The following DOP1A variants were observed in gnomAD, a reference collection of about 807,000 sequenced individuals.
DOP1A encodes DOP1 leucine zipper like protein A, also known as protein DOP1A.
Under a neutral mutation model 267.6 loss-of-function variants are expected in DOP1A, and 90 were observed. The ratio of observed to expected loss-of-function variants is 0.34; its 90% CI spans 0.28 to 0.40. DOP1A has a LOEUF of 0.40. Ranked by LOEUF, DOP1A falls within the 10% of genes least tolerant of loss-of-function variation. DOP1A has a pLI of 1.00. For synonymous variants in DOP1A, 932 were observed against 999.1 expected (o/e 0.93, Z 1.27); for missense variants, 2,437 against 2,900.4 (o/e 0.84, Z 3.67).
At position 83,138,273 on chromosome 6, in the gene DOP1A, G is replaced by A; in HGVS notation, c.4231G>A (p.Ala1411Thr). ...CATTTCAACTACTAGTGTAAATAAT[G>A]CATATACTCCTCAGTTGTCTCTCCT... ...NAISTTSVNNAYTPQLSLLQN... is the reference protein window; with the variant it reads ...NAISTTSVNNTYTPQLSLLQN... The change falls in exon 21 of 39, where the codon GCA (alanine) becomes ACA (threonine). Residue 1411 changes from alanine (A) to threonine (T), a missense_variant. Ala to Thr is a moderately conservative substitution (Grantham distance 58). Around this residue, in one of 9 missense-constraint regions of DOP1A, gnomAD observed 878 missense variants for 992.9 expected, o/e 0.88. Transcript: ENST00000349129. 1 of 1,612,974 alleles carries A rather than the reference G, an allele frequency of 6.2e-7. No individual in the cohort carries two copies. The highest frequency in any genetic ancestry group is 8.5e-7 in the Non-Finnish European group (1 of 1,179,928).
At chr6:83,095,017 C>T (rs762392994) in intron 1 of DOP1A, among the ~76,000 whole-genome samples, 6 of 152,114 alleles carry the variant, frequency 3.9e-5, no homozygotes, top group East Asian at 1.9e-4. Context: ...ACTGCAGCCT[C>T]GGACTGCCGG....
intron 38 of DOP1A, chr6:83,164,933 A>C: frequency 2.1e-6 from 1 of 465,600 alleles, no homozygotes; most frequent in African/African-American, 2.0e-5. Context: ...TCTGATTAAG[A>C]GCATCAGAAA....
intron 8 of DOP1A, 87 bp downstream of exon 8, chr6:83,119,074 C>G (rs1775921982): frequency 1.7e-6 from 2 of 1,149,676 alleles, no homozygotes; most frequent in Admixed American, 3.8e-5. Context: ...GTATGTATGT[C>G]CTGAATTTAA....
chr6:83,101,084 T>C lies in DOP1A; in HGVS notation c.320+198T>C, dbSNP rs548318255. 2.4e-3 allele frequency among the ~76,000 whole-genome samples: 365 copies of C among 152,242 alleles called. 1 individual carries two copies. The highest frequency in any genetic ancestry group is 8.5e-3 in the African/African-American group (352 of 41,576). On this transcript the variant is annotated intron_variant, in intron 4 of 38. Transcript: ENST00000349129. ...AGGCTGGAGTGCAGTGGCCCAATCTTGGCTCACTGCAAGCTCTGCCTCCCG... is the reference window on the plus strand; with the variant it reads ...AGGCTGGAGTGCAGTGGCCCAATCTCGGCTCACTGCAAGCTCTGCCTCCCG...
intron 38 of DOP1A, chr6:83,166,541 C>A: frequency 4.6e-6 from 3 of 655,820 alleles, no homozygotes; most frequent in South Asian, 1.8e-5. Flanking sequence ...TAAATATAAA[C>A]AGCAATAAGT....
intron 15 of DOP1A, among the ~76,000 whole-genome samples, chr6:83,127,665 G>T (rs986554904): frequency 6.6e-6 from 1 of 152,182 alleles, no homozygotes; most frequent in African/African-American, 2.4e-5. Flanking sequence ...GTGAGAGGTG[G>T]TGATAACTTG....
intron 38 of DOP1A, among the ~76,000 whole-genome samples, chr6:83,164,328 T>C (rs887802341): frequency 6.6e-6 from 1 of 151,848 alleles, no homozygotes; most frequent in Non-Finnish European, 1.5e-5. Flanking sequence ...TGCTGGGTCC[T>C]GAGTTCAGGG....
Position 83,120,751 on chromosome 6 carries a change from T to C in DOP1A, c.1059T>C (p.Pro353=). The C allele has an allele frequency of 6.3e-7, 1 of 1,579,360 alleles. No individual in the cohort carries two copies. Among genetic ancestry groups the C allele is most frequent in the South Asian group, 1.2e-5 (1 of 85,862 alleles). Residue 353 remains proline (P), a synonymous_variant, in exon 10 of 39, where the codon CCT becomes CCC. Coordinates refer to ENST00000349129, the MANE Select transcript of DOP1A (RefSeq NM_015018.4). ...EENTLMQDLK[P]FRILISLLDK... ...ACACTCTAATGCAGGATCTAAAGCC[T>C]TTTCGCATTTTAATCAGTTTACTGG...
Position 83,082,988 on chromosome 6 carries a change from A to G in DOP1A, c.-146-13743A>G, listed in dbSNP as rs191081982. ...ACGCCCAGCTAATTTTTGTATTTTTATTAGAGATGGGATTTCACCATGTTG... is the reference window on the plus strand; with the variant it reads ...ACGCCCAGCTAATTTTTGTATTTTTGTTAGAGATGGGATTTCACCATGTTG... On this transcript the variant is annotated intron_variant, in intron 1 of 38. Coordinates refer to ENST00000349129, the MANE Select transcript of DOP1A (RefSeq NM_015018.4). Among the ~76,000 whole-genome samples the G allele has an allele frequency of 4.6e-3, 702 of 151,964 alleles. 4 individuals carry two copies. The highest frequency in any genetic ancestry group is 0.014 in the Middle Eastern group (4 of 294).
At chr6:83,148,098 T>C (rs905932636) in intron 26 of DOP1A, among the ~76,000 whole-genome samples, 4 of 152,002 alleles carry the variant, frequency 2.6e-5, no homozygotes, top group African/African-American at 9.7e-5. Context: ...TAAATGGGAT[T>C]TCAATAGAAA....
Position 83,128,882 on chromosome 6 carries a change from A to G in DOP1A, c.1720-5A>G. The G allele has an allele frequency of 1.3e-6, 2 of 1,515,884 alleles. No individual in the cohort carries two copies. The highest frequency in any genetic ancestry group is 1.8e-6 in the Non-Finnish European group (2 of 1,134,032). The allele number at this position is 1,515,884 out of a possible 1,614,324, so 93.9% of individuals were successfully genotyped here. A position where few individuals can be genotyped will look rare whatever the true frequency, so the allele number is the denominator to read the frequency against. On this transcript the variant is annotated splice_polypyrimidine_tract_variant and splice_region_variant and intron_variant, in intron 15 of 38. Transcript: ENST00000349129. ...GCCTTTTGTTTTCTTAAAAATCTCT[A>G]ACAGGTATCATCAGTTTCTCATGAA...
At chr6:83,154,763 T>C (rs1782416842) in intron 33 of DOP1A, among the ~76,000 whole-genome samples, 1 of 152,144 alleles carries the variant, frequency 6.6e-6, no homozygotes, top group Non-Finnish European at 1.5e-5. Flanking sequence ...TGATTGTTTT[T>C]ATAGTTTAGG....
intron 1 of DOP1A, among the ~76,000 whole-genome samples, chr6:83,074,579 T>G (rs1233862334): frequency 6.6e-6 from 1 of 152,212 alleles, no homozygotes; most frequent in Non-Finnish European, 1.5e-5. Flanking sequence ...CCTTCCAGTA[T>G]AGTATTTAAT....
intron 38 of DOP1A, chr6:83,164,608 G>C: frequency 7.3e-6 from 11 of 1,513,592 alleles, no homozygotes; most frequent in Non-Finnish European, 9.9e-6. Flanking sequence ...TCATGGCCAA[G>C]CATACTTTTC....
At position 83,139,001 on chromosome 6, in the gene DOP1A, A is replaced by T. The variant is rs1220526112; in HGVS notation, c.4959A>T (p.Ala1653=). 2 of 1,614,118 alleles carry T rather than the reference A, an allele frequency of 1.2e-6. No individual in the cohort carries two copies. The highest frequency in any genetic ancestry group is 1.7e-6 in the Non-Finnish European group (2 of 1,179,966). ...TACGAGCTTTGCATCAGCACTGTGCATGTAAGATGCACCCACAATGGATTG... is the reference window on the plus strand; with the variant it reads ...TACGAGCTTTGCATCAGCACTGTGCTTGTAAGATGCACCCACAATGGATTG... ...AVIRALHQHC[A]CKMHPQWIGL... is the part of the protein sequence containing the mutation. The change falls in exon 21 of 39, where the codon GCA becomes GCT. Residue 1653 remains alanine, a synonymous_variant. Coordinates refer to ENST00000349129, the MANE Select transcript of DOP1A (RefSeq NM_015018.4).
At chr6:83,143,505 C>T (rs1779967673) in intron 24 of DOP1A, among the ~76,000 whole-genome samples, 1 of 152,014 alleles carries the variant, frequency 6.6e-6, no homozygotes, top group African/African-American at 2.4e-5. Flanking sequence ...AAAAGTCAAA[C>T]AGTGCAGATA....
chr6:83,171,159 G>C (rs1349123990), downstream of DOP1A: 2 of 152,204 alleles, frequency 1.3e-5, no homozygotes, highest in African/African-American at 4.8e-5. Context: ...AGGCAACATA[G>C]TGAGATCTCG....
chr6:83,169,835 T>C (rs906813509), downstream of DOP1A: 1 of 456,884 alleles, frequency 2.2e-6, no homozygotes, highest in African/African-American at 2.0e-5. Context: ...ACCACAAGTC[T>C]TGACCCCTGT....
chr6:83,129,281 C>T lies in DOP1A; in HGVS notation c.2114C>T (p.Thr705Ile). 6.2e-7 allele frequency: 1 copy of T among 1,610,688 alleles called. No homozygotes were observed. Among genetic ancestry groups the T allele is most frequent in the South Asian group, 1.1e-5 (1 of 90,192 alleles). The change falls in exon 16 of 39, where the codon ACA becomes ATA. Residue 705 changes from threonine to isoleucine, a missense_variant. By Grantham distance (89) the Thr-to-Ile change is moderately conservative (BLOSUM62 -1). Transcript: ENST00000349129. ...QNNSFSQSLATEHQGDLGREQ... is the reference protein window; with the variant it reads ...QNNSFSQSLAIEHQGDLGREQ... The stretch of plus-strand genomic sequence containing the variant: ...AACTCTTTTTCTCAGTCTTTGGCTA[C>T]AGAACATCAAGGGGATCTTGGTCGA...
Sources: allele counts gnomAD v4.1 joint callset (sites outside exome capture counted in the v4.1 genomes callset), GRCh38; gene constraint gnomAD v4.1.1; regional missense constraint gnomAD v4.1.1; transcripts MANE v1.5; gene names NCBI Gene and HGNC (gene_info 2026-07-23, HGNC 2026-07-21).